Variants in NRG3 observed in about 807,000 individuals in gnomAD.
NRG3 encodes pro-neuregulin-3, membrane-bound isoform.
A neutral mutation model predicts 66.9 loss-of-function variants in NRG3; 31 were observed. The observed-to-expected ratio is 0.46, with a 90% CI of 0.35 to 0.63. The LOEUF is 0.63. Ranked by LOEUF, NRG3 falls within the 20% of genes least tolerant of loss-of-function variation. NRG3 has a pLI of 0.00. For missense variants in NRG3, 910 were observed against 878.9 expected, an observed-to-expected ratio of 1.04 and a Z score of -0.45; for synonymous variants, 393 against 359.4, an observed-to-expected ratio of 1.09 and a Z score of -1.06.
chr10:82,361,945 T>C (rs896776122), intron 2 of NRG3, among the ~76,000 whole-genome samples: 1 of 151,810 alleles, frequency 6.6e-6, no homozygotes, highest in African/African-American at 2.4e-5. Flanking sequence ...ATTGTAATCC[T>C]ATAATAAACT....
chr10:82,221,429 T>G (rs1311608843), intron 1 of NRG3, among the ~76,000 whole-genome samples: 1 of 152,210 alleles, frequency 6.6e-6, no homozygotes, highest in Non-Finnish European at 1.5e-5. Flanking sequence ...ATAATGCAGC[T>G]TTTTGATCCT....
intron 1 of NRG3, among the ~76,000 whole-genome samples, chr10:81,972,682 T>A (rs2059974937): frequency 6.6e-6 from 1 of 152,108 alleles, no homozygotes; most frequent in South Asian, 2.1e-4. Context: ...TAGTGATCTG[T>A]GGGGCAACTT....
At chr10:82,826,820 C>G (rs1286366806) in intron 3 of NRG3, among the ~76,000 whole-genome samples, 1 of 151,910 alleles carries the variant, frequency 6.6e-6, no homozygotes, top group Non-Finnish European at 1.5e-5. Flanking sequence ...TGCTTACCAC[C>G]TGGGAGAGGA....
chr10:81,929,461 A>G (rs1050401223), intron 1 of NRG3, among the ~76,000 whole-genome samples: 1 of 152,162 alleles, frequency 6.6e-6, no homozygotes, highest in Non-Finnish European at 1.5e-5. Flanking sequence ...TCATTTCCAA[A>G]TACCCAGCGG....
At chr10:82,732,549 G>A (rs2134665888) in intron 2 of NRG3, among the ~76,000 whole-genome samples, 1 of 152,080 alleles carries the variant, frequency 6.6e-6, no homozygotes, top group Admixed American at 6.6e-5. Flanking sequence ...GTGGTTTTGG[G>A]GTAATATACT....
chr10:82,543,950 G>A (rs2043724548), intron 2 of NRG3, among the ~76,000 whole-genome samples: 1 of 152,156 alleles, frequency 6.6e-6, no homozygotes, highest in South Asian at 2.1e-4. Context: ...CTGAGAAATT[G>A]TCAAGGGAGT....
intron 1 of NRG3, among the ~76,000 whole-genome samples, chr10:81,974,714 A>G (rs753070129): frequency 2.0e-5 from 3 of 152,122 alleles, no homozygotes; most frequent in Non-Finnish European, 4.4e-5. Context: ...GCCCTCTGAC[A>G]TCAAAAAGTC....
intron 2 of NRG3, among the ~76,000 whole-genome samples, chr10:82,728,321 TC>T (rs952694795): frequency 2.0e-5 from 3 of 152,146 alleles, no homozygotes; most frequent in African/African-American, 7.2e-5. Context: ...CTCCTGCAAT[TC>T]CCACATGTCA....
intron 3 of NRG3, among the ~76,000 whole-genome samples, chr10:82,840,373 A>G (rs527591256): frequency 2.8e-4 from 43 of 152,142 alleles, no homozygotes; most frequent in African/African-American, 1.0e-3. Context: ...TTTGTTTCCC[A>G]TAGCACTTAT....
chr10:82,454,611 AAGTT>A (rs970603909), intron 2 of NRG3, among the ~76,000 whole-genome samples: 11 of 152,236 alleles, frequency 7.2e-5, no homozygotes, highest in African/African-American at 2.4e-4. Context: ...CAGATAAAAA[AAGTT>A]AGTTCTTCTT....
chr10:82,433,315 T>G (rs2089942745), intron 2 of NRG3, among the ~76,000 whole-genome samples: 2 of 152,172 alleles, frequency 1.3e-5, no homozygotes, highest in African/African-American at 4.8e-5. Flanking sequence ...TGGGGTTGTT[T>G]GTTTTTTTCT....
intron 3 of NRG3, among the ~76,000 whole-genome samples, chr10:82,798,596 G>A (rs1012517010): frequency 7.2e-5 from 11 of 152,258 alleles, no homozygotes; most frequent in South Asian, 2.1e-4. Context: ...GGAAAAAAGC[G>A]TGAGTATGAA....
At chr10:82,410,233 T>G (rs2087954609) in intron 2 of NRG3, among the ~76,000 whole-genome samples, 1 of 152,130 alleles carries the variant, frequency 6.6e-6, no homozygotes, top group South Asian at 2.1e-4. Context: ...GGCTCACGCC[T>G]GTAATTCCAG....
intron 1 of NRG3, among the ~76,000 whole-genome samples, chr10:82,317,711 C>T (rs904168563): frequency 2.0e-5 from 3 of 152,100 alleles, no homozygotes; most frequent in African/African-American, 4.8e-5. Context: ...TTAGAGCTGT[C>T]GATCAAGAAA....
chr10:82,485,802 A>G lies in NRG3; in HGVS notation c.953+126934A>G, dbSNP rs1842634405. 2.0e-5 allele frequency among the ~76,000 whole-genome samples: 3 copies of G among 152,220 alleles called. No homozygotes were observed. The South Asian group carries it at 6.2e-4, about 32-fold the overall frequency. ...AAAGTACAGGCAGCAAAAGCAAAAA[A>G]AAATAGGCTGGTGAGGCTTCTGTAC... On this transcript the variant is annotated intron_variant, in intron 2 of 8. Coordinates refer to ENST00000372141, the MANE Select transcript of NRG3 (RefSeq NM_001010848.4).
At chr10:82,807,944 AC>A (rs1462187443) in intron 3 of NRG3, among the ~76,000 whole-genome samples, 2 of 152,000 alleles carry the variant, frequency 1.3e-5, no homozygotes, top group African/African-American at 4.8e-5. Context: ...TTCTTTCTTT[AC>A]CTAAATAGTC....
intron 1 of NRG3, among the ~76,000 whole-genome samples, chr10:82,167,466 G>T (rs2072174936): frequency 6.6e-6 from 1 of 152,110 alleles, no homozygotes; most frequent in African/African-American, 2.4e-5. Flanking sequence ...GGGGCAGGGT[G>T]ATGGGAGTGT....
At position 82,929,461 on chromosome 10, in the gene NRG3, G is replaced by A. The variant is rs150433319; in HGVS notation, c.1055-22008G>A. Among the ~76,000 whole-genome samples the A allele has an allele frequency of 5.0e-3, 768 of 152,232 alleles. 6 individuals carry two copies. The highest frequency in any genetic ancestry group is 0.017 in the African/African-American group (725 of 41,534). The stretch of plus-strand genomic sequence containing the variant: ...CAGAGGATCTGCAAACAGTGCCTGC[G>A]GACGTGTTTACTGGTTAAATTTTAT... On this transcript the variant is annotated intron_variant, in intron 4 of 8. Transcript: ENST00000372141.
At chr10:81,923,262 G>A (rs1265737543) in intron 1 of NRG3, among the ~76,000 whole-genome samples, 1 of 149,956 alleles carries the variant, frequency 6.7e-6, no homozygotes, top group Non-Finnish European at 1.5e-5. Flanking sequence ...TTGGAATGCG[G>A]TGGCGCGATC....
Sources: gnomAD v4.1 joint callset for allele counts (sites outside exome capture counted in the v4.1 genomes callset) on GRCh38, gnomAD v4.1.1 for gene constraint, MANE v1.5 for transcripts, NCBI Gene and HGNC (gene_info 2026-07-23, HGNC 2026-07-21) for gene names.